The following ADAMTS14 variants were observed in gnomAD, a reference collection of about 807,000 sequenced individuals.
ADAMTS14 encodes ADAM metallopeptidase with thrombospondin type 1 motif 14, also known as A disintegrin and metalloproteinase with thrombospondin motifs 14.
In ADAMTS14, 100 loss-of-function variants were observed where a neutral mutation model predicts 128.6. The observed-to-expected ratio is 0.78, with a 90% CI of 0.66 to 0.92. ADAMTS14 has a LOEUF of 0.92. Ranked by LOEUF, ADAMTS14 falls within the 40% of genes least tolerant of loss-of-function variation. ADAMTS14 has a pLI of 0.00. For missense variants in ADAMTS14, 1,562 were observed against 1,658.6 expected (o/e 0.94, Z 1.01); for synonymous variants, 665 against 653.8 (o/e 1.02, Z -0.26).
chr10:70,672,863 G>T lies in ADAMTS14; in HGVS notation c.61G>T (p.Ala21Ser), dbSNP rs372953443. Residue 21 changes from alanine (A) to serine (S), a missense_variant, in exon 1 of 22, where the codon GCC becomes TCC. By Grantham distance (99) the Ala-to-Ser change is moderately conservative (BLOSUM62 1). Transcript: ENST00000373207. The stretch of plus-strand genomic sequence containing the variant: ...GCCTTTGCACTGTGCGCTCTGCGCC[G>T]CCGCGGGCAGCCGGACCCCAGGTGC... ...LLPLHCALCA[A>S]AGSRTPELHL... The T allele has an allele frequency of 6.7e-7, 1 of 1,501,088 alleles. No homozygotes were observed. The allele number at this position is 1,501,088 out of a possible 1,614,324, so 93.0% of individuals were successfully genotyped here.
intron 4 of ADAMTS14, among the ~76,000 whole-genome samples, chr10:70,723,218 T>C (rs1841325705): frequency 6.6e-6 from 1 of 152,170 alleles, no homozygotes; most frequent in Non-Finnish European, 1.5e-5. Context: ...CTCAAGACTT[T>C]TGATGACTCA....
At chr10:70,708,824 G>A (rs1444879306) in intron 4 of ADAMTS14, 46 bp downstream of exon 4, 1 of 1,171,460 alleles carries the variant, frequency 8.5e-7, no homozygotes, top group Non-Finnish European at 1.1e-6. Context: ...GGGGTGGGGT[G>A]GGCCCCACCC....
chr10:70,723,899 G>T (rs1405795603), intron 4 of ADAMTS14, among the ~76,000 whole-genome samples: 2 of 152,248 alleles, frequency 1.3e-5, no homozygotes, highest in African/African-American at 2.4e-5. Flanking sequence ...AAGTGGGCCT[G>T]AGAGTCACAG....
chr10:70,758,116 C>G, intron 20 of ADAMTS14, 25 bp downstream of exon 20: 1 of 1,612,016 alleles, frequency 6.2e-7, no homozygotes, highest in Non-Finnish European at 8.5e-7. Flanking sequence ...ATGGGGAGGC[C>G]AGGTCCAGTC....
intron 4 of ADAMTS14, among the ~76,000 whole-genome samples, chr10:70,715,720 T>C (rs736189): frequency 0.7 from 105,613 of 151,922 alleles, 36,932 homozygotes; most frequent in East Asian, 0.81. Flanking sequence ...TGTTTCTTTC[T>C]ATTGGGCAAA....
intron 4 of ADAMTS14, among the ~76,000 whole-genome samples, chr10:70,724,987 T>G (rs1002514150): frequency 4.6e-5 from 7 of 152,168 alleles, no homozygotes; most frequent in African/African-American, 1.7e-4. Context: ...TAGTGGGGTC[T>G]GTGTAACAGT....
rs545568778 is a variant in ADAMTS14, at chr10:70,710,206, G to A, written c.870+1428G>A. Among the ~76,000 whole-genome samples, 165 of 152,358 alleles carry A rather than the reference G, an allele frequency of 1.1e-3. 1 individual carries two copies. The highest frequency in any genetic ancestry group is 3.7e-3 in the African/African-American group (155 of 41,582). ...AGTGGTGCACAAGGGAAAATGCCAC[G>A]TCAACAGGAGGCAACAGGGCAGGTG... On this transcript the variant is annotated intron_variant, in intron 4 of 21. Transcript: ENST00000373207.
At position 70,672,532 on chromosome 10, in the gene ADAMTS14, C is replaced by T. The variant is rs1839511820; in HGVS notation, c.-271C>T. Among the ~76,000 whole-genome samples the T allele has an allele frequency of 2.0e-5, 3 of 150,732 alleles. No individual in the cohort carries two copies. Among genetic ancestry groups the T allele is most frequent in the Non-Finnish European group, 4.4e-5 (3 of 67,544 alleles). Reference sequence around the variant, plus strand: ...CTGCGCGGGCGGGCTGACCGACCAGCCGGCAGTTGGCACCGGGTGCGCTGG... The same window carrying T: ...CTGCGCGGGCGGGCTGACCGACCAGTCGGCAGTTGGCACCGGGTGCGCTGG... On this transcript the variant is annotated 5_prime_UTR_variant, in exon 1 of 22. Transcript: ENST00000373207.
chr10:70,680,127 C>T (rs1839758555), intron 2 of ADAMTS14, among the ~76,000 whole-genome samples: 2 of 152,288 alleles, frequency 1.3e-5, no homozygotes, highest in South Asian at 2.1e-4. Flanking sequence ...ACTGGCTGGG[C>T]GCGGTGGCTC....
intron 21 of ADAMTS14, among the ~76,000 whole-genome samples, chr10:70,758,767 C>A (rs1397084640): frequency 1.3e-5 from 2 of 152,188 alleles, no homozygotes; most frequent in East Asian, 3.8e-4. Flanking sequence ...AGAATGCATG[C>A]ACTCCTGTCT....
intron 4 of ADAMTS14, among the ~76,000 whole-genome samples, chr10:70,709,495 GTTTTTTT>G (rs746940189): frequency 0.24 from 24,807 of 101,902 alleles, 2,345 homozygotes; most frequent in Middle Eastern, 0.34. Flanking sequence ...AACATTTCCA[GTTTTTTT>G]TTTTTTTTTT....
intron 15 of ADAMTS14, among the ~76,000 whole-genome samples, chr10:70,746,114 A>G (rs1164001276): frequency 6.6e-6 from 1 of 152,194 alleles, no homozygotes; most frequent in Non-Finnish European, 1.5e-5. Context: ...GGAGGAATGT[A>G]GAGGCATTCT....
At chr10:70,714,794 A>T (rs1290364367) in intron 4 of ADAMTS14, among the ~76,000 whole-genome samples, 1 of 151,884 alleles carries the variant, frequency 6.6e-6, no homozygotes, top group African/African-American at 2.4e-5. Flanking sequence ...CTAAAAATAC[A>T]AAAATTAGCT....
At chr10:70,681,563 C>T (rs552893299) in intron 2 of ADAMTS14, among the ~76,000 whole-genome samples, 11 of 152,356 alleles carry the variant, frequency 7.2e-5, no homozygotes, top group Middle Eastern at 6.8e-3. Context: ...CCTTCCAGCT[C>T]GATGCTGGTG....
intron 3 of ADAMTS14, among the ~76,000 whole-genome samples, chr10:70,704,491 ACACAAACACACGCT>A (rs1306173880): frequency 4.6e-5 from 7 of 151,888 alleles, no homozygotes; most frequent in African/African-American, 1.7e-4. Context: ...TCACACACTG[ACACAAACACACGCT>A]CACAAACACA....
At chr10:70,680,728 G>A (rs979470184) in intron 2 of ADAMTS14, among the ~76,000 whole-genome samples, 4 of 152,086 alleles carry the variant, frequency 2.6e-5, no homozygotes, top group African/African-American at 7.2e-5. Flanking sequence ...TGCAACCTCC[G>A]CCTCCTGGGT....
intron 11 of ADAMTS14, among the ~76,000 whole-genome samples, chr10:70,739,439 C>T (rs1841928503): frequency 6.6e-6 from 1 of 152,084 alleles, no homozygotes; most frequent in East Asian, 1.9e-4. Flanking sequence ...GCTCCTTCCC[C>T]TCTTCCCCAC....
At chr10:70,760,309 G>T in intron 21 of ADAMTS14, 51 bp from the exon 22 acceptor site, 1 of 1,504,524 alleles carries the variant, frequency 6.6e-7, no homozygotes, top group South Asian at 1.3e-5. Flanking sequence ...CCACCTGACT[G>T]ACAGGCATCC....
intron 2 of ADAMTS14, among the ~76,000 whole-genome samples, chr10:70,685,562 G>A (rs909880591): frequency 6.6e-6 from 1 of 152,268 alleles, no homozygotes; most frequent in Admixed American, 6.5e-5. Flanking sequence ...AGAGGAAGCC[G>A]AGGCTCAAGT....
Sources: allele counts gnomAD v4.1 joint callset (sites outside exome capture counted in the v4.1 genomes callset), GRCh38; gene constraint gnomAD v4.1.1; transcripts MANE v1.5; gene names NCBI Gene and HGNC (gene_info 2026-07-23, HGNC 2026-07-21).